The following RELN variants were observed in gnomAD, a reference collection of about 807,000 sequenced individuals.
RELN encodes the protein reelin.
Under a neutral mutation model 427.6 loss-of-function variants are expected in RELN, and 108 were observed. The observed-to-expected ratio is 0.25, with a 90% CI of 0.22 to 0.30. The LOEUF (loss-of-function observed/expected upper bound fraction) is 0.30. Among genes scored for constraint, RELN ranks in the 10% least tolerant of loss-of-function variants. The pLI is 1.00. For missense variants in RELN, 3,715 were observed against 4,302.8 expected, an observed-to-expected ratio of 0.86 and a Z score of 3.82; for synonymous variants, 1,524 against 1,513.4, an observed-to-expected ratio of 1.01 and a Z score of -0.16.
intron 11 of RELN, among the ~76,000 whole-genome samples, chr7:103,674,228 C>A (rs923403318): frequency 6.6e-6 from 1 of 152,110 alleles, no homozygotes. Context: ...TTCCATTTCT[C>A]GCATCTCTAA....
chr7:103,823,937 A>G (rs1793069083), intron 3 of RELN, among the ~76,000 whole-genome samples: 2 of 152,104 alleles, frequency 1.3e-5, no homozygotes, highest in African/African-American at 4.8e-5. Flanking sequence ...TTATCTAGGT[A>G]CAGAACTCTA....
intron 12 of RELN, among the ~76,000 whole-genome samples, chr7:103,657,970 T>A (rs900789616): frequency 6.6e-6 from 1 of 152,136 alleles, no homozygotes; most frequent in Non-Finnish European, 1.5e-5. Context: ...TGTGCTGCCC[T>A]AATTGCAGTA....
chr7:103,706,155 G>A (rs2115822927), intron 8 of RELN, among the ~76,000 whole-genome samples: 1 of 151,828 alleles, frequency 6.6e-6, no homozygotes, highest in South Asian at 2.1e-4. Flanking sequence ...TAACTGAGTA[G>A]CCCACCTATT....
chr7:103,881,924 C>A (rs1794616568), intron 2 of RELN, among the ~76,000 whole-genome samples: 1 of 152,170 alleles, frequency 6.6e-6, no homozygotes, highest in African/African-American at 2.4e-5. Context: ...AATCATGTTT[C>A]ATTGAATATT....
In RELN at chr7:103,503,018, T is replaced by A. The variant is rs1288421474; in HGVS notation, c.8487A>T (p.Gly2829=). 1 of 1,612,870 alleles carries A rather than the reference T, an allele frequency of 6.2e-7. No individual in the cohort carries two copies. Among genetic ancestry groups the A allele is most frequent in the Non-Finnish European group, 8.5e-7 (1 of 1,178,878 alleles). Residue 2829 remains glycine, a splice_region_variant and synonymous_variant, in exon 52 of 65, where the codon GGA becomes GGT. Coordinates refer to ENST00000428762, the MANE Select transcript of RELN (RefSeq NM_005045.4). The part of the protein sequence containing the change: ...ITYPLPESLV[G]NPVRFRFYQK... ...CTTTGTTTTAGTTTTCTACTTACTT[T>A]CCCACTAAGCTTTCAGGAAGTGGGT...
intron 3 of RELN, among the ~76,000 whole-genome samples, chr7:103,818,871 A>G (rs1240779205): frequency 1.3e-5 from 2 of 152,114 alleles, no homozygotes; most frequent in East Asian, 3.8e-4. Flanking sequence ...TGTAAAAACT[A>G]AAATTGAACA....
chr7:103,531,658 G>C (rs141143877), intron 46 of RELN, among the ~76,000 whole-genome samples: 60 of 152,148 alleles, frequency 3.9e-4, no homozygotes, highest in African/African-American at 1.4e-3. Flanking sequence ...CATGTCTACT[G>C]CCTGTACCAT....
At chr7:103,923,701 A>C (rs1292096625) in intron 1 of RELN, among the ~76,000 whole-genome samples, 2 of 152,268 alleles carry the variant, frequency 1.3e-5, no homozygotes, top group African/African-American at 2.4e-5. Context: ...ATGAGGAAGT[A>C]GCTGGCTGCC....
At chr7:103,840,533 A>G (rs972808692) in intron 2 of RELN, among the ~76,000 whole-genome samples, 7 of 152,178 alleles carry the variant, frequency 4.6e-5, no homozygotes, top group African/African-American at 1.7e-4. Context: ...TATGAGTACT[A>G]TTTAAATGAA....
chr7:103,566,918 C>T (rs1830766445), intron 31 of RELN, among the ~76,000 whole-genome samples, 159 bp from the exon 32 acceptor site: 2 of 151,894 alleles, frequency 1.3e-5, no homozygotes, highest in Non-Finnish European at 2.9e-5. Context: ...GACCTGAAGG[C>T]TCATCAATTT....
intron 3 of RELN, among the ~76,000 whole-genome samples, chr7:103,820,454 C>T (rs747882241): frequency 1.3e-5 from 2 of 151,284 alleles, no homozygotes; most frequent in Non-Finnish European, 1.5e-5. Flanking sequence ...TCTAAAAATG[C>T]AAAATATGTT....
chr7:103,694,827 T>C lies in RELN; in HGVS notation c.1143+3026A>G, dbSNP rs1376931602. Reference sequence around the variant, plus strand: ...GGTGTGCACCACCATGCCTGGCTAGTTTTTTTTTTTTAATTTTTGTAGAGA... The same window carrying C: ...GGTGTGCACCACCATGCCTGGCTAGCTTTTTTTTTTTAATTTTTGTAGAGA... On this transcript the variant is annotated intron_variant, in intron 10 of 64. Coordinates refer to ENST00000428762, the MANE Select transcript of RELN (RefSeq NM_005045.4). Among the ~76,000 whole-genome samples the C allele has an allele frequency of 2.2e-4, 9 of 40,684 alleles. No individual in the cohort carries two copies. In the East Asian group the frequency reaches 7.8e-3, roughly 35 times the overall value. 26.7% of individuals were successfully genotyped at this position (40,684 alleles called of 152,430 possible).
intron 8 of RELN, among the ~76,000 whole-genome samples, chr7:103,702,950 G>T (rs1467623397): frequency 2.6e-5 from 4 of 152,218 alleles, no homozygotes; most frequent in Non-Finnish European, 5.9e-5. Flanking sequence ...AAGGTGTACA[G>T]TTCCTACAGA....
chr7:103,846,707 C>T (rs1385298067), intron 2 of RELN, among the ~76,000 whole-genome samples: 1 of 152,216 alleles, frequency 6.6e-6, no homozygotes, highest in Non-Finnish European at 1.5e-5. Flanking sequence ...CCAGAATCTA[C>T]AAGGAACTTA....
chr7:103,835,619 A>T (rs902935635), intron 2 of RELN, among the ~76,000 whole-genome samples: 8 of 152,212 alleles, frequency 5.3e-5, no homozygotes, highest in Non-Finnish European at 8.8e-5. Context: ...CTAAAAAATA[A>T]GTTTATTATT....
At chr7:103,579,534 G>A (rs150529742) in intron 28 of RELN, among the ~76,000 whole-genome samples, 86 of 151,458 alleles carry the variant, frequency 5.7e-4, no homozygotes, top group African/African-American at 2.0e-3. Flanking sequence ...GGGAGATGGA[G>A]GTTGCAGTGA....
chr7:103,932,546 C>T (rs1483174755), intron 1 of RELN, among the ~76,000 whole-genome samples: 1 of 152,170 alleles, frequency 6.6e-6, no homozygotes, highest in Non-Finnish European at 1.5e-5. Context: ...AAAATAAAAG[C>T]TTTAAAAAGG....
chr7:103,593,555 T>G, intron 27 of RELN, 127 bp downstream of exon 27: 1 of 830,528 alleles, frequency 1.2e-6, no homozygotes. Flanking sequence ...ACTGTTAAGC[T>G]TTCGTACAGG....
At position 103,707,615 on chromosome 7, in the gene RELN, C is replaced by G. The variant is rs530461933; in HGVS notation, c.806-6609G>C. Among the ~76,000 whole-genome samples, 3 of 152,032 alleles carry G rather than the reference C, an allele frequency of 2.0e-5. No homozygotes were observed. In the South Asian group the frequency reaches 6.2e-4, roughly 32 times the overall value. On this transcript the variant is annotated intron_variant, in intron 8 of 64. Transcript: ENST00000428762. ...ATGGGTTCAAGCAATTCTCCTGCCT[C>G]AGCCTCCTGAGTAGCTAGGACTACA...
Sources: allele counts gnomAD v4.1 joint callset (sites outside exome capture counted in the v4.1 genomes callset), GRCh38; gene constraint gnomAD v4.1.1; transcripts MANE v1.5; gene names NCBI Gene and HGNC (gene_info 2026-07-23, HGNC 2026-07-21).